AKAP10: variants seen among roughly 807,000 people sequenced by gnomAD.
AKAP10 encodes the protein A-kinase anchor protein 10, mitochondrial.
A neutral mutation model predicts 80.8 loss-of-function variants in AKAP10; 24 were observed. The ratio of observed to expected loss-of-function variants is 0.30; its 90% CI spans 0.22 to 0.42. The LOEUF is 0.42. Ranked by LOEUF, AKAP10 falls within the 10% of genes least tolerant of loss-of-function variation. The pLI, the probability that AKAP10 is intolerant of heterozygous loss-of-function variation, is 1.00. For synonymous variants in AKAP10, 291 were observed against 277.7 expected, an observed-to-expected ratio of 1.05 and a Z score of -0.48; for missense variants, 661 against 794.9, an observed-to-expected ratio of 0.83 and a Z score of 2.03.
intron 5 of AKAP10, 35 bp downstream of exon 5, chr17:19,947,372 A>ATT (rs527691797): frequency 3.9e-6 from 5 of 1,295,742 alleles, no homozygotes; most frequent in Non-Finnish European, 5.3e-6. Flanking sequence ...ATTTTTTGTC[A>ATT]TTTTTTTTTT....
At chr17:19,910,325 C>CAAAAAAAAAAAAAAAAA (rs3031068) in intron 12 of AKAP10, among the ~76,000 whole-genome samples, 5 of 90,658 alleles carry the variant, frequency 5.5e-5, no homozygotes, top group African/African-American at 2.1e-4. Context: ...GACTCCAACT[C>CAAAAAAAAAAAAAAAAA]AAAAAAAAAA....
chr17:19,949,427 G>C (rs2043172987), intron 4 of AKAP10, among the ~76,000 whole-genome samples: 1 of 151,968 alleles, frequency 6.6e-6, no homozygotes, highest in Non-Finnish European at 1.5e-5. Flanking sequence ...CTAACATTTG[G>C]GTTACTAAAA....
At chr17:19,921,525 T>C (rs1039140538) in intron 11 of AKAP10, among the ~76,000 whole-genome samples, 2 of 151,724 alleles carry the variant, frequency 1.3e-5, no homozygotes, top group Non-Finnish European at 2.9e-5. Flanking sequence ...ACAAAGTAAA[T>C]TGTAAGAGCT....
chr17:19,963,826 G>A (rs2043382939), intron 2 of AKAP10, among the ~76,000 whole-genome samples: 1 of 151,950 alleles, frequency 6.6e-6, no homozygotes. Context: ...AATCTGGGAG[G>A]CGAAGGTTGC....
chr17:19,938,497 A>G (rs1186033141), intron 8 of AKAP10, among the ~76,000 whole-genome samples: 2 of 152,010 alleles, frequency 1.3e-5, no homozygotes, highest in Non-Finnish European at 2.9e-5. Context: ...TCAGCCTCCC[A>G]AAGTGCTGGG....
In AKAP10 at chr17:19,936,136, C is replaced by T. The variant is rs1041211956; in HGVS notation, c.1467+150G>A. Reference sequence around the variant, plus strand: ...TTATGTGGCACGTGACTGTACATACCAGGCCAGACTCAAGGCCTCTGCTCT... The same window carrying T: ...TTATGTGGCACGTGACTGTACATACTAGGCCAGACTCAAGGCCTCTGCTCT... On this transcript the variant is annotated intron_variant, in intron 9 of 14. Transcript: ENST00000225737. 17 of 809,216 alleles carry T rather than the reference C, an allele frequency of 2.1e-5. No homozygotes were observed. The East Asian group carries it at 3.8e-4, about 18-fold the overall frequency. The allele number at this position is 809,216 out of a possible 1,614,324, so 50.1% of individuals were successfully genotyped here.
intron 8 of AKAP10, among the ~76,000 whole-genome samples, chr17:19,937,837 T>C (rs2152413937): frequency 6.6e-6 from 1 of 152,252 alleles, no homozygotes. Context: ...TTTCCTTACT[T>C]GCAAAATAGG....
At chr17:19,942,757 C>T (rs2043062885) in intron 5 of AKAP10, among the ~76,000 whole-genome samples, 1 of 152,204 alleles carries the variant, frequency 6.6e-6, no homozygotes, top group Non-Finnish European at 1.5e-5. Context: ...GATGCCTAGT[C>T]TCACTTTGTG....
rs923510717 is a variant in AKAP10 at position 19,906,194 on chromosome 17, C to G, written c.*33G>C. ...AAGGGAAAAAAGTTCTCTTATTTTT[C>G]ACAAGCAGATTTCCTTTATCTCAAG... is the stretch of plus-strand genomic sequence containing the variant. On this transcript the variant is annotated 3_prime_UTR_variant, in exon 15 of 15. Transcript: ENST00000225737. The G allele has an allele frequency of 1.2e-6, 2 of 1,600,428 alleles. No homozygotes were observed. Among genetic ancestry groups the G allele is most frequent in the Non-Finnish European group, 8.5e-7 (1 of 1,171,290 alleles).
chr17:19,915,205 CAT>C (rs1437475033), intron 12 of AKAP10, among the ~76,000 whole-genome samples: 1 of 152,222 alleles, frequency 6.6e-6, no homozygotes, highest in Non-Finnish European at 1.5e-5. Context: ...ATATACAACA[CAT>C]GATGTGTTCT....
chr17:19,939,643 T>C, intron 8 of AKAP10, 70 bp downstream of exon 8: 2 of 1,542,848 alleles, frequency 1.3e-6, no homozygotes, highest in Non-Finnish European at 1.8e-6. Flanking sequence ...AGTTTATTCA[T>C]CTTTATTTCC....
At chr17:19,913,212 G>A (rs565031109) in intron 12 of AKAP10, among the ~76,000 whole-genome samples, 6 of 146,906 alleles carry the variant, frequency 4.1e-5, no homozygotes, top group African/African-American at 7.5e-5. Flanking sequence ...GGAGTTCAGC[G>A]GTGCAATCTC....
At chr17:19,945,835 CT>C (rs2043097726) in intron 5 of AKAP10, among the ~76,000 whole-genome samples, 1 of 151,940 alleles carries the variant, frequency 6.6e-6, no homozygotes, top group South Asian at 2.1e-4. Context: ...CAAATACTAA[CT>C]TTTTTGAAGA....
rs1567765734 is a variant in AKAP10, at chr17:19,946,253, ATATATATATATATATATATATATTTTTTT to A, written c.976+1125_976+1153del. ...ATATATATATTATATATATATATAT[ATATATATATATATATATATATATTTTTTT>A]TTTTTTTTTTTTTTTTTGGCAGGGG... On this transcript the variant is annotated intron_variant, in intron 5 of 14. Coordinates refer to ENST00000225737, the MANE Select transcript of AKAP10 (RefSeq NM_007202.4). Among the ~76,000 whole-genome samples, 15 of 20,822 alleles carry A rather than the reference ATATATATATATATATATATATATTTTTTT, an allele frequency of 7.2e-4. 2 individuals are homozygous for A. Among genetic ancestry groups the A allele is most frequent in the African/African-American group, 1.8e-3 (9 of 5,130 alleles). 13.7% of individuals were successfully genotyped at this position (20,822 alleles called of 152,430 possible). A position where few individuals can be genotyped will look rare whatever the true frequency, so the allele number is the denominator to read the frequency against.
intron 12 of AKAP10, among the ~76,000 whole-genome samples, chr17:19,913,159 T>G (rs1387468981): frequency 1.3e-5 from 2 of 149,770 alleles, no homozygotes; most frequent in East Asian, 2.0e-4. Flanking sequence ...AATTGTTTTT[T>G]TTTTTTTTTT....
rs1456510297 is a variant in AKAP10 at position 19,920,054 on chromosome 17, C to G, written c.1816G>C (p.Asp606His). 1 of 1,612,842 alleles carries G rather than the reference C, an allele frequency of 6.2e-7. No individual in the cohort carries two copies. Among genetic ancestry groups the G allele is most frequent in the Non-Finnish European group, 8.5e-7 (1 of 1,179,148 alleles). The change falls in exon 12 of 15, where the codon GAT (aspartate) becomes CAT (histidine). Residue 606 changes from aspartate to histidine, a missense_variant. Physicochemically the swap from Asp to His is moderately conservative, Grantham distance 81. Coordinates refer to ENST00000225737, the MANE Select transcript of AKAP10 (RefSeq NM_007202.4). Reference protein sequence around the residue: ...QFIRESEPEPDVRKSKGSMFS... With the variant: ...QFIRESEPEPHVRKSKGSMFS... ...CACAAACCTTTTGATTTCCTTACAT[C>G]AGGTTCAGGCTCAGATTCTCGGATG...
intron 9 of AKAP10, among the ~76,000 whole-genome samples, chr17:19,933,873 TAGA>T (rs2042964653): frequency 6.6e-6 from 1 of 152,176 alleles, no homozygotes; most frequent in South Asian, 2.1e-4. Context: ...TCTAGTTCAT[TAGA>T]AGAATAAATC....
chr17:19,904,939 A>T lies in AKAP10; in HGVS notation c.*1288T>A, dbSNP rs1205565023. The T allele has an allele frequency of 6.6e-6, 1 of 151,528 alleles. No individual in the cohort carries two copies. Among genetic ancestry groups the T allele is most frequent in the Admixed American group, 6.6e-5 (1 of 15,218 alleles). 9.4% of individuals were successfully genotyped at this position (151,528 alleles called of 1,614,324 possible). ...GAAACAGTGTGCCTCTATACAATCA[A>T]ATATTGCAATGGAATAAATTCTCTG... On this transcript the variant is annotated 3_prime_UTR_variant, in exon 15 of 15. Transcript: ENST00000225737.
At chr17:19,935,419 T>G (rs1404522190) in intron 9 of AKAP10, among the ~76,000 whole-genome samples, 1 of 152,192 alleles carries the variant, frequency 6.6e-6, no homozygotes, top group African/African-American at 2.4e-5. Flanking sequence ...AGACTTACAC[T>G]GTACACTTAG....
Sources: allele counts gnomAD v4.1 joint callset (sites outside exome capture counted in the v4.1 genomes callset), GRCh38; gene constraint gnomAD v4.1.1; transcripts MANE v1.5; gene names NCBI Gene and HGNC (gene_info 2026-07-23, HGNC 2026-07-21).